Variants in HIGD1C observed in about 807,000 individuals in gnomAD.
HIGD1C encodes the protein HIG1 domain family member 1C.
A neutral mutation model predicts 13.1 loss-of-function variants in HIGD1C; 11 were observed. That is an observed-to-expected ratio of 0.84 (90% CI 0.53 to 1.39). The LOEUF is 1.39. Ranked by LOEUF, HIGD1C falls within the 40% of genes most tolerant of loss-of-function variation. HIGD1C has a pLI of 0.00. For synonymous variants in HIGD1C, 36 were observed against 37.7 expected (o/e 0.95, Z 0.17); for missense variants, 110 against 112.0 (o/e 0.98, Z 0.08).
At chr12:50,943,620 G>A in the HIGD1C span, among the ~76,000 whole-genome samples, 1 of 151,672 alleles carries the variant, frequency 6.6e-6, no homozygotes, top group Non-Finnish European at 1.5e-5. Context: ...TGAGGCAGGA[G>A]AATGGTGTGA....
chr12:50,960,409 T>G (rs1040767269), intron 1 of HIGD1C, among the ~76,000 whole-genome samples: 1 of 152,208 alleles, frequency 6.6e-6, no homozygotes, highest in Non-Finnish European at 1.5e-5. Flanking sequence ...CATGCACAGT[T>G]TGAAATCATT....
chr12:50,958,304 C>T (rs1375328953), intron 1 of HIGD1C, among the ~76,000 whole-genome samples: 8 of 135,756 alleles, frequency 5.9e-5, no homozygotes, highest in East Asian at 2.1e-4. Flanking sequence ...TTTTTTTAGA[C>T]GGAGTCTTGC....
exon 1 of HIGD1C, chr12:50,953,959 C>A: frequency 8.5e-7 from 1 of 1,178,218 alleles, no homozygotes; most frequent in Non-Finnish European, 1.3e-6. Flanking sequence ...TAATGATTCA[C>A]GGCAACCACA....
At chr12:50,960,471 T>C (rs1939282568) in intron 1 of HIGD1C, among the ~76,000 whole-genome samples, 1 of 152,216 alleles carries the variant, frequency 6.6e-6, no homozygotes, top group South Asian at 2.1e-4. Flanking sequence ...ATGGTTCTAA[T>C]TTTTCTGGGA....
chr12:50,956,430 T>G (rs1939098318), intron 1 of HIGD1C, among the ~76,000 whole-genome samples: 1 of 152,214 alleles, frequency 6.6e-6, no homozygotes, highest in Non-Finnish European at 1.5e-5. Flanking sequence ...AATAATTTGT[T>G]TAGCTATTGT....
At chr12:50,960,627 C>G (rs1565958751) in intron 1 of HIGD1C, among the ~76,000 whole-genome samples, 1 of 152,096 alleles carries the variant, frequency 6.6e-6, no homozygotes, top group African/African-American at 2.4e-5. Context: ...TGTAGACATT[C>G]TTTCATTTAA....
chr12:50,953,275 C>T (rs907058150), upstream of HIGD1C, among the ~76,000 whole-genome samples: 16 of 152,194 alleles, frequency 1.1e-4, no homozygotes, highest in African/African-American at 3.4e-4. Flanking sequence ...GTGCTTCTTA[C>T]GCTTAAGTTT....
Position 50,969,525 on chromosome 12 carries a change from C to T in HIGD1C, c.230-917C>T, listed in dbSNP as rs144519782. Among the ~76,000 whole-genome samples the T allele has an allele frequency of 3.3e-3, 505 of 152,002 alleles. 17 individuals are homozygous for T. The South Asian group carries it at 0.048, about 15-fold the overall frequency. On this transcript the variant is annotated intron_variant, in intron 2 of 2. Transcript: ENST00000398455. ...GACCGGCCTGGCCAACATGGCGAAA[C>T]GCTGTCTGTACTAAAAATACAAAAA...
chr12:50,970,477 C>T (rs1443631703), exon 3 of HIGD1C: 2 of 1,534,590 alleles, frequency 1.3e-6, no homozygotes, highest in Admixed American at 3.9e-5. Context: ...TTACATTAGA[C>T]CACGATTCTT....
chr12:50,954,822 G>A (rs1461878554), intron 1 of HIGD1C, among the ~76,000 whole-genome samples: 1 of 152,198 alleles, frequency 6.6e-6, no homozygotes, highest in East Asian at 1.9e-4. Context: ...AAGCTTGAAA[G>A]AACTGTGGGT....
chr12:50,960,578 T>C (rs1939286076), intron 1 of HIGD1C, among the ~76,000 whole-genome samples: 2 of 152,202 alleles, frequency 1.3e-5, no homozygotes, highest in Admixed American at 1.3e-4. Flanking sequence ...AAATGTTCTT[T>C]GCTGGAGTCT....
chr12:50,943,150 C>A, the HIGD1C span, among the ~76,000 whole-genome samples: 1 of 152,124 alleles, frequency 6.6e-6, no homozygotes, highest in African/African-American at 2.4e-5. Flanking sequence ...CAGACACGAG[C>A]CACCACGCCC....
chr12:50,948,857 CGAGGAGGAGGGGG>C, the HIGD1C span, among the ~76,000 whole-genome samples: 3 of 34,354 alleles, frequency 8.7e-5, no homozygotes, highest in African/African-American at 3.1e-4. Context: ...GGCGACAGAG[CGAGGAGGAGGGGG>C]GAGGGGAGGG....
At chr12:50,949,996 G>A (rs1404876317), upstream of HIGD1C, among the ~76,000 whole-genome samples, 1 of 152,212 alleles carries the variant, frequency 6.6e-6, no homozygotes, top group Non-Finnish European at 1.5e-5. Context: ...CCCAGACACA[G>A]TCTGCCTCAT....
At chr12:50,941,440 G>A in the HIGD1C span, among the ~76,000 whole-genome samples, 8 of 151,946 alleles carry the variant, frequency 5.3e-5, no homozygotes, top group African/African-American at 1.5e-4. Context: ...TTGGCCTTAC[G>A]TTTGCACAAC....
chr12:50,939,520 T>C, the HIGD1C span, among the ~76,000 whole-genome samples: 1 of 152,164 alleles, frequency 6.6e-6, no homozygotes, highest in Non-Finnish European at 1.5e-5. Flanking sequence ...TAAAATCGAA[T>C]TTAAGCCGCT....
chr12:50,938,246 GC>G, the HIGD1C span, among the ~76,000 whole-genome samples: 14 of 152,002 alleles, frequency 9.2e-5, no homozygotes, highest in Non-Finnish European at 1.6e-4. Flanking sequence ...TCTGGAAGGG[GC>G]CCAGGTGGCA....
chr12:50,937,711 A>G, the HIGD1C span, among the ~76,000 whole-genome samples: 1 of 152,312 alleles, frequency 6.6e-6, no homozygotes, highest in East Asian at 1.9e-4. Context: ...ACTGAGCCAC[A>G]GAACAGCTCT....
At chr12:50,961,127 T>C (rs1939312707) in intron 2 of HIGD1C, 25 bp downstream of exon 4, 6 of 1,611,430 alleles carry the variant, frequency 3.7e-6, no homozygotes, top group Admixed American at 1.7e-5. Context: ...TTGTATCTTA[T>C]GTTCAGCTGT....
Sources: allele counts gnomAD v4.1 joint callset (sites outside exome capture counted in the v4.1 genomes callset), GRCh38; gene constraint gnomAD v4.1.1; transcripts MANE v1.5; gene names NCBI Gene and HGNC (gene_info 2026-07-23, HGNC 2026-07-21).